Variants in MDGA2 observed in about 807,000 individuals in gnomAD.
MDGA2 encodes the protein MAM domain-containing glycosylphosphatidylinositol anchor protein 2.
MDGA2 carries 40 observed loss-of-function variants against 117.8 expected under a neutral mutation model. That is an observed-to-expected ratio of 0.34 (90% CI 0.26 to 0.44). The LOEUF is 0.44. Ranked by LOEUF, MDGA2 falls within the 20% of genes least tolerant of loss-of-function variation. The pLI is 1.00. For synonymous variants in MDGA2, 452 were observed against 439.0 expected (o/e 1.03, Z -0.37); for missense variants, 1,123 against 1,250.6 (o/e 0.90, Z 1.54).
Position 47,233,481 on chromosome 14 carries a change from C to T in MDGA2, c.421-15286G>A, listed in dbSNP as rs572814395. On this transcript the variant is annotated intron_variant, in intron 2 of 16. Transcript: ENST00000399232. ...TGCATCAGTGTACTGTCCTTGATTT[C>T]TTAAAAATCCAAATTTGTACTTTAG... Among the ~76,000 whole-genome samples the T allele has an allele frequency of 2.2e-4, 34 of 152,138 alleles. No homozygotes were observed. In the South Asian group the frequency reaches 6.6e-3, roughly 30 times the overall value.
chr14:47,132,237 A>G (rs980642999), intron 4 of MDGA2, among the ~76,000 whole-genome samples: 2 of 151,974 alleles, frequency 1.3e-5, no homozygotes, highest in African/African-American at 2.4e-5. Context: ...CAATCTATTC[A>G]GACATCGATG....
chr14:47,094,457 T>C (rs1594613548), intron 6 of MDGA2, among the ~76,000 whole-genome samples: 1 of 152,188 alleles, frequency 6.6e-6, no homozygotes, highest in Admixed American at 6.6e-5. Flanking sequence ...GGTTAGTCCC[T>C]TACAAAGGGT....
chr14:47,335,745 T>TATATATATATATACAC, intron 1 of MDGA2, among the ~76,000 whole-genome samples: 4 of 95,558 alleles, frequency 4.2e-5, no homozygotes, highest in Admixed American at 8.7e-5. Flanking sequence ...TATATATATA[T>TATATATATATATACAC]ATACATACAT....
At chr14:47,274,490 T>A (rs1353730271) in intron 2 of MDGA2, among the ~76,000 whole-genome samples, 6 of 152,170 alleles carry the variant, frequency 3.9e-5, no homozygotes, top group African/African-American at 1.4e-4. Context: ...CTGACGGATA[T>A]TTGGGTTGTT....
chr14:47,578,274 G>A (rs1344825689), intron 1 of MDGA2, among the ~76,000 whole-genome samples: 2 of 152,020 alleles, frequency 1.3e-5, no homozygotes, highest in Non-Finnish European at 2.9e-5. Context: ...TGAGGGGAAG[G>A]AGAGCATTAG....
chr14:47,540,811 C>T (rs1293267391), intron 1 of MDGA2, among the ~76,000 whole-genome samples: 1 of 151,824 alleles, frequency 6.6e-6, no homozygotes, highest in Non-Finnish European at 1.5e-5. Context: ...GTAATCCTCC[C>T]AGCTTGACCT....
rs550582847 is a variant in MDGA2 at position 47,127,038 on chromosome 14, A to G, written c.925+4676T>C. Among the ~76,000 whole-genome samples the G allele has an allele frequency of 7.2e-5, 11 of 152,294 alleles. No individual in the cohort carries two copies. In the South Asian group the frequency reaches 1.9e-3, roughly 26 times the overall value. ...CCAATTATTTGACATTCATTGAAAGAATAATTTCTAAAGTAAAGTAAGACT... is the reference window on the plus strand; with the variant it reads ...CCAATTATTTGACATTCATTGAAAGGATAATTTCTAAAGTAAAGTAAGACT... On this transcript the variant is annotated intron_variant, in intron 5 of 16. Transcript: ENST00000399232.
intron 1 of MDGA2, among the ~76,000 whole-genome samples, chr14:47,380,835 G>T (rs1891603606): frequency 6.6e-6 from 1 of 152,014 alleles, no homozygotes; most frequent in Non-Finnish European, 1.5e-5. Flanking sequence ...AATAGAAAAA[G>T]AGGGAATCCT....
intron 3 of MDGA2, among the ~76,000 whole-genome samples, chr14:47,169,064 T>C (rs1465917774): frequency 6.6e-6 from 1 of 152,032 alleles, no homozygotes; most frequent in Non-Finnish European, 1.5e-5. Context: ...TAGTTGGTCT[T>C]TCTCAGGCAT....
intron 2 of MDGA2, among the ~76,000 whole-genome samples, chr14:47,271,351 G>A (rs1185924917): frequency 2.6e-5 from 4 of 152,124 alleles, no homozygotes; most frequent in Non-Finnish European, 5.9e-5. Flanking sequence ...AGTACAGTGC[G>A]AGCAAGTCTG....
At chr14:47,578,819 T>C (rs1323447465) in intron 1 of MDGA2, among the ~76,000 whole-genome samples, 1 of 152,178 alleles carries the variant, frequency 6.6e-6, no homozygotes, top group African/African-American at 2.4e-5. Context: ...GCTATGCTGT[T>C]GATACATCAC....
chr14:47,115,472 T>C (rs1271524666), intron 5 of MDGA2, among the ~76,000 whole-genome samples: 1 of 152,038 alleles, frequency 6.6e-6, no homozygotes, highest in Non-Finnish European at 1.5e-5. Flanking sequence ...AATGTTTGTG[T>C]GAGATATTTG....
intron 2 of MDGA2, among the ~76,000 whole-genome samples, chr14:47,229,977 GA>G (rs1886635066): frequency 6.6e-6 from 1 of 151,932 alleles, no homozygotes; most frequent in South Asian, 2.1e-4. Flanking sequence ...ACAAATGGAA[GA>G]TTTTTTTTAA....
chr14:46,903,418 C>T (rs575094921), intron 10 of MDGA2, among the ~76,000 whole-genome samples: 1 of 152,110 alleles, frequency 6.6e-6, no homozygotes, highest in Non-Finnish European at 1.5e-5. Flanking sequence ...ATGACAGTTA[C>T]TTATATACCT....
chr14:47,434,744 T>C (rs1892864209), intron 1 of MDGA2, among the ~76,000 whole-genome samples: 1 of 152,172 alleles, frequency 6.6e-6, no homozygotes, highest in Admixed American at 6.6e-5. Flanking sequence ...TATTTAGTTA[T>C]AGTTACAATC....
intron 8 of MDGA2, among the ~76,000 whole-genome samples, chr14:46,999,587 A>C (rs1033918697): frequency 2.6e-5 from 4 of 152,144 alleles, no homozygotes; most frequent in African/African-American, 9.6e-5. Context: ...ACTTACTGTC[A>C]TAAGTATAAC....
At chr14:47,089,913 G>A (rs1319261534) in intron 6 of MDGA2, among the ~76,000 whole-genome samples, 1 of 151,968 alleles carries the variant, frequency 6.6e-6, no homozygotes, top group East Asian at 1.9e-4. Context: ...TGGTTAAAAA[G>A]TTAATGCATA....
intron 8 of MDGA2, among the ~76,000 whole-genome samples, chr14:46,980,491 T>C (rs1052672071): frequency 1.3e-5 from 2 of 152,192 alleles, no homozygotes; most frequent in Non-Finnish European, 2.9e-5. Flanking sequence ...ATAATGTTCA[T>C]TGATAAAGCA....
intron 7 of MDGA2, among the ~76,000 whole-genome samples, chr14:47,044,747 G>A (rs976894859): frequency 2.0e-5 from 3 of 152,142 alleles, no homozygotes; most frequent in African/African-American, 7.2e-5. Context: ...CAGGAAGAAA[G>A]CCCACATTAA....
Sources: gnomAD v4.1 joint callset for allele counts (sites outside exome capture counted in the v4.1 genomes callset) on GRCh38, gnomAD v4.1.1 for gene constraint, MANE v1.5 for transcripts, NCBI Gene and HGNC (gene_info 2026-07-23, HGNC 2026-07-21) for gene names.